SDAD1: variants seen among roughly 807,000 people sequenced by gnomAD.
SDAD1 encodes protein SDA1 homolog.
A neutral mutation model predicts 100.3 loss-of-function variants in SDAD1; 79 were observed. That is an observed-to-expected ratio of 0.79 (90% CI 0.66 to 0.95). SDAD1 has a LOEUF of 0.95. SDAD1 is among the 40% of genes least tolerant of loss of function. The pLI is 0.00. For synonymous variants in SDAD1, 267 were observed against 271.4 expected (o/e 0.98, Z 0.16); for missense variants, 790 against 810.9 (o/e 0.97, Z 0.31).
chr4:75,961,225 G>A lies in SDAD1; in HGVS notation c.1265C>T (p.Thr422Ile), dbSNP rs1368122028. Reference sequence around the variant, plus strand: ...ATGCAGCTTACTCTTATCCTTGTGTGTTTTATACTGAGCCAGGTCTTGGAG... The same window carrying A: ...ATGCAGCTTACTCTTATCCTTGTGTATTTTATACTGAGCCAGGTCTTGGAG... The part of the protein sequence containing the change: ...ELLQDLAQYK[T>I]HKDKNVMMSA... The change falls in exon 15 of 22, where the codon ACA becomes ATA. Residue 422 changes from threonine (T) to isoleucine (I), a missense_variant. By Grantham distance (89) the Thr-to-Ile change is moderately conservative. Transcript: ENST00000356260. 6.2e-7 allele frequency: 1 copy of A among 1,613,910 alleles called. No individual in the cohort carries two copies. Among genetic ancestry groups the A allele is most frequent in the Non-Finnish European group, 8.5e-7 (1 of 1,179,802 alleles).
intron 16 of SDAD1, among the ~76,000 whole-genome samples, chr4:75,960,399 C>T (rs1460316548): frequency 6.6e-6 from 1 of 152,164 alleles, no homozygotes; most frequent in East Asian, 1.9e-4. Context: ...ACCTCAGCCT[C>T]CCTAGTAGTT....
At chr4:75,981,298 G>GAAGATAA in intron 3 of SDAD1, 74 bp downstream of exon 3, 1 of 1,353,706 alleles carries the variant, frequency 7.4e-7, no homozygotes, top group Non-Finnish European at 1.0e-6. Flanking sequence ...CTTAGAGGCT[G>GAAGATAA]TTCTCATTTA....
intron 9 of SDAD1, among the ~76,000 whole-genome samples, chr4:75,970,585 C>G (rs977404722): frequency 6.6e-6 from 1 of 152,138 alleles, no homozygotes. Flanking sequence ...CCATTAGCAC[C>G]TATGAGACTT....
At chr4:75,960,810 T>C (rs952930029) in intron 16 of SDAD1, among the ~76,000 whole-genome samples, 2 of 152,224 alleles carry the variant, frequency 1.3e-5, no homozygotes, top group African/African-American at 2.4e-5. Flanking sequence ...AACAGCCTGA[T>C]AGGTCTTCAA....
At chr4:75,989,775 C>T (rs971710821) in intron 1 of SDAD1, among the ~76,000 whole-genome samples, 2 of 152,212 alleles carry the variant, frequency 1.3e-5, no homozygotes, top group Non-Finnish European at 2.9e-5. Context: ...TTTCCACTAC[C>T]TTGATCCTTG....
At chr4:75,975,677 T>C in intron 6 of SDAD1, 67 bp downstream of exon 6, 1 of 1,047,014 alleles carries the variant, frequency 9.6e-7, no homozygotes, top group Non-Finnish European at 1.5e-6. Context: ...TATTTGTATA[T>C]GTGCTCTGTA....
At chr4:75,955,373 G>T (rs949217128) in intron 21 of SDAD1, among the ~76,000 whole-genome samples, 4 of 152,128 alleles carry the variant, frequency 2.6e-5, no homozygotes, top group Non-Finnish European at 5.9e-5. Flanking sequence ...TCACTATCTT[G>T]TGTGTGTCTT....
At chr4:75,980,324 A>G (rs991192110) in intron 3 of SDAD1, among the ~76,000 whole-genome samples, 4 of 152,176 alleles carry the variant, frequency 2.6e-5, no homozygotes, top group South Asian at 2.1e-4. Flanking sequence ...CTAAAATCCT[A>G]AAGTAGTATA....
At chr4:75,988,021 G>A (rs1338958200) in intron 1 of SDAD1, among the ~76,000 whole-genome samples, 2 of 152,054 alleles carry the variant, frequency 1.3e-5, no homozygotes, top group Non-Finnish European at 2.9e-5. Flanking sequence ...AATCCCCAGG[G>A]CTTTCTCTAC....
At chr4:75,959,380 G>A (rs895523909) in intron 17 of SDAD1, among the ~76,000 whole-genome samples, 1 of 152,228 alleles carries the variant, frequency 6.6e-6, no homozygotes, top group Non-Finnish European at 1.5e-5. Context: ...AAAATGGGAG[G>A]ATCACCTGAG....
intron 12 of SDAD1, 135 bp downstream of exon 12, chr4:75,967,142 A>G: frequency 2.6e-6 from 2 of 777,878 alleles, no homozygotes; most frequent in Non-Finnish European, 2.1e-6. Flanking sequence ...CTCTAGAAAG[A>G]AAACAAGGGC....
intron 1 of SDAD1, among the ~76,000 whole-genome samples, chr4:75,987,572 G>C (rs1730979075): frequency 6.6e-6 from 1 of 152,026 alleles, no homozygotes; most frequent in Non-Finnish European, 1.5e-5. Context: ...CGCGATCTCG[G>C]CTCACTGCAA....
At chr4:75,961,855 TAATTGCCACTG>T (rs1729250367) in intron 14 of SDAD1, among the ~76,000 whole-genome samples, 1 of 151,356 alleles carries the variant, frequency 6.6e-6, no homozygotes, top group African/African-American at 2.4e-5. Flanking sequence ...TGTCGAAACT[TAATTGCCACTG>T]TAATGGTTTA....
chr4:75,950,790 A>G lies in SDAD1; in HGVS notation c.2024T>C (p.Leu675Pro). The G allele has an allele frequency of 6.3e-7, 1 of 1,585,676 alleles. No homozygotes were observed. The highest frequency in any genetic ancestry group is 1.1e-5 in the South Asian group (1 of 88,652). The change falls in exon 22 of 22, where the codon CTA becomes CCA. Residue 675 changes from leucine to proline, a missense_variant. By Grantham distance (98) the Leu-to-Pro change is moderately conservative (BLOSUM62 -3). Transcript: ENST00000356260. ...KRSFREKQLA[L>P]RDALLKKRKR... ...TCTCTTTTTCAAAAGTGCATCTCGT[A>G]GTGCCAACTGTAAGATAAAAAAGTA...
At chr4:75,955,340 G>A (rs1052599783) in intron 21 of SDAD1, among the ~76,000 whole-genome samples, 4 of 151,886 alleles carry the variant, frequency 2.6e-5, no homozygotes, top group East Asian at 3.9e-4. Flanking sequence ...ACCAGAAGGC[G>A]GTGACCCCCC....
At position 75,969,305 on chromosome 4, in the gene SDAD1, T is replaced by C; in HGVS notation, c.978A>G (p.Gly326=). The change falls in exon 11 of 22, where the codon GGA becomes GGG. Residue 326 remains glycine, a synonymous_variant. Transcript: ENST00000356260. ...MLMNLISRLV[G]IHELFLFNFY... ...ATAATATAATTCAAACCTCATGAATTCCCACCAATCTGGAGATAAGGTTCA... is the reference window on the plus strand; with the variant it reads ...ATAATATAATTCAAACCTCATGAATCCCCACCAATCTGGAGATAAGGTTCA... 6.2e-7 allele frequency: 1 copy of C among 1,610,156 alleles called. No individual in the cohort carries two copies.
Position 75,967,532 on chromosome 4 carries a change from C to G in SDAD1, c.988-198G>C, listed in dbSNP as rs140991482. ...AATTCTCTCAAATGAGGCTATGCTG[C>G]TATCCTTATTATGTAAAGGAGGAAG... is the stretch of plus-strand genomic sequence containing the variant. On this transcript the variant is annotated intron_variant, in intron 11 of 21. Transcript: ENST00000356260. 1.7e-3 allele frequency among the ~76,000 whole-genome samples: 265 copies of G among 152,280 alleles called. 3 individuals carry two copies. The South Asian group carries it at 0.022, about 13-fold the overall frequency.
intron 13 of SDAD1, 24 bp downstream of exon 13, chr4:75,965,740 A>G: frequency 1.2e-6 from 2 of 1,604,990 alleles, no homozygotes; most frequent in Non-Finnish European, 1.7e-6. Context: ...CCCTAGGTCC[A>G]GAAGTCAGGT....
intron 1 of SDAD1, among the ~76,000 whole-genome samples, chr4:75,990,535 G>C (rs535759413): frequency 1.1e-4 from 16 of 152,294 alleles, no homozygotes; most frequent in Admixed American, 5.2e-4. Flanking sequence ...CAGCAGGGCA[G>C]GTAGAAAATC....
Sources: gnomAD v4.1 joint callset for allele counts (sites outside exome capture counted in the v4.1 genomes callset) on GRCh38, gnomAD v4.1.1 for gene constraint, MANE v1.5 for transcripts, NCBI Gene and HGNC (gene_info 2026-07-23, HGNC 2026-07-21) for gene names.